Variants in TMC1 observed in about 807,000 individuals in gnomAD.
TMC1 encodes transmembrane channel like 1.
In TMC1, 84 loss-of-function variants were observed where a neutral mutation model predicts 105.8. The observed-to-expected ratio is 0.79, with a 90% CI of 0.67 to 0.95. The LOEUF is 0.95. TMC1 is among the 40% of genes least tolerant of loss of function. TMC1 has a pLI of 0.00. For missense variants in TMC1, 817 were observed against 914.1 expected (o/e 0.89, Z 1.37); for synonymous variants, 315 against 311.5 (o/e 1.01, Z -0.12).
chr9:72,791,276 C>T (rs1198295437), intron 15 of TMC1, among the ~76,000 whole-genome samples: 1 of 151,886 alleles, frequency 6.6e-6, no homozygotes, highest in Non-Finnish European at 1.5e-5. Context: ...AACTTTTCTA[C>T]GTTGGCTTCC....
At chr9:72,557,434 TATG>T (rs1823961703) in intron 1 of TMC1, among the ~76,000 whole-genome samples, 1 of 152,192 alleles carries the variant, frequency 6.6e-6, no homozygotes, top group Non-Finnish European at 1.5e-5. Flanking sequence ...TGGATGGGAT[TATG>T]ATAATTGTTT....
At position 72,820,416 on chromosome 9, in the gene TMC1, TAGA is replaced by T. The variant is rs537118417; in HGVS notation, c.1764-420_1764-418del. Among the ~76,000 whole-genome samples the T allele has an allele frequency of 8.5e-5, 13 of 152,336 alleles. No individual in the cohort carries two copies. In the East Asian group the frequency reaches 2.1e-3, roughly 25 times the overall value. ...AATGCAAATGTACAGTTTTTTTGAG[TAGA>T]AGAAGTGACTTTAAGGGTTAATTAT... On this transcript the variant is annotated intron_variant, in intron 19 of 23. Transcript: ENST00000297784.
At chr9:72,725,912 G>A (rs1194007461) in intron 8 of TMC1, among the ~76,000 whole-genome samples, 3 of 151,858 alleles carry the variant, frequency 2.0e-5, no homozygotes, top group Admixed American at 6.6e-5. Flanking sequence ...GGATGGTCTC[G>A]ATCTCCTGAC....
intron 1 of TMC1, among the ~76,000 whole-genome samples, chr9:72,570,265 G>GTGT (rs397946870): frequency 1.4e-5 from 2 of 146,436 alleles, no homozygotes; most frequent in Non-Finnish European, 3.0e-5. Flanking sequence ...GTGTGTGTGT[G>GTGT]GTAAATACTT....
At position 72,722,694 on chromosome 9, in the gene TMC1, T is replaced by C. The variant is rs148418868; in HGVS notation, c.363-17425T>C. Among the ~76,000 whole-genome samples, 58 of 152,326 alleles carry C rather than the reference T, an allele frequency of 3.8e-4. No individual in the cohort carries two copies. In the East Asian group the frequency reaches 0.011, roughly 28 times the overall value. On this transcript the variant is annotated intron_variant, in intron 8 of 23. Coordinates refer to ENST00000297784, the MANE Select transcript of TMC1 (RefSeq NM_138691.3). ...TGTGTGGGTGAAAATGTTAATGTCT[T>C]TTTTGTTGGACATTCATTTCCAAAG... is the stretch of plus-strand genomic sequence containing the variant.
At chr9:72,750,679 A>G (rs1158212053) in intron 10 of TMC1, among the ~76,000 whole-genome samples, 1 of 152,102 alleles carries the variant, frequency 6.6e-6, no homozygotes, top group Non-Finnish European at 1.5e-5. Flanking sequence ...TTTAAAAGTC[A>G]TGCTCATCAC....
chr9:72,535,935 C>T (rs1186217280), intron 1 of TMC1, among the ~76,000 whole-genome samples: 3 of 152,152 alleles, frequency 2.0e-5, no homozygotes, highest in African/African-American at 7.2e-5. Flanking sequence ...GATTCTCCCC[C>T]ATGACCAAAA....
intron 2 of TMC1, among the ~76,000 whole-genome samples, chr9:72,596,539 TAAAAAAAAAA>T (rs35140344): frequency 9.8e-6 from 1 of 102,274 alleles, no homozygotes; most frequent in South Asian, 3.7e-4. Context: ...GTTTCAATTG[TAAAAAAAAAA>T]AAAAAAAAAA....
Position 72,792,010 on chromosome 9 carries a change from T to A in TMC1, c.1349T>A (p.Leu450His). The A allele has an allele frequency of 4.3e-6, 7 of 1,614,160 alleles. No homozygotes were observed. Among genetic ancestry groups the A allele is most frequent in the Non-Finnish European group, 5.9e-6 (7 of 1,180,008 alleles). The change falls in exon 16 of 24, where the codon CTT (leucine) becomes CAT (histidine). Residue 450 changes from leucine to histidine, a missense_variant. Coordinates refer to ENST00000297784, the MANE Select transcript of TMC1 (RefSeq NM_138691.3). ...CTACTGGGACGCATTTTTGCTCTTC[T>A]TTTAGGCAATTTATACGTATTTATT... is the stretch of plus-strand genomic sequence containing the variant. ...KWLLGRIFAL[L>H]LGNLYVFILA...
intron 1 of TMC1, among the ~76,000 whole-genome samples, chr9:72,541,784 G>A (rs1363584308): frequency 6.6e-6 from 1 of 151,974 alleles, no homozygotes; most frequent in Non-Finnish European, 1.5e-5. Flanking sequence ...CCAGATCAAC[G>A]GCATTTTATG....
At chr9:72,606,286 G>A (rs952196161) in intron 2 of TMC1, among the ~76,000 whole-genome samples, 1 of 152,170 alleles carries the variant, frequency 6.6e-6, no homozygotes, top group Non-Finnish European at 1.5e-5. Flanking sequence ...CATAGCAGCT[G>A]GCTTCCCCAA....
intron 2 of TMC1, among the ~76,000 whole-genome samples, chr9:72,596,477 G>A (rs531464844): frequency 1.5e-4 from 22 of 143,710 alleles, no homozygotes; most frequent in African/African-American, 5.5e-4. Flanking sequence ...GGAATGGGAA[G>A]CATTTGATGA....
At chr9:72,722,459 G>T (rs371875686) in intron 8 of TMC1, among the ~76,000 whole-genome samples, 5 of 152,038 alleles carry the variant, frequency 3.3e-5, no homozygotes, top group South Asian at 2.1e-4. Flanking sequence ...CTCTGCCAAC[G>T]CCCATAGAAA....
chr9:72,792,321 G>A lies in TMC1; in HGVS notation c.1535G>A (p.Arg512Gln), dbSNP rs1482786407. 5.0e-6 allele frequency: 8 copies of A among 1,613,978 alleles called. No individual in the cohort carries two copies. Among genetic ancestry groups the A allele is most frequent in the Admixed American group, 3.3e-5 (2 of 59,986 alleles). The change falls in exon 17 of 24, where the codon CGA (arginine) becomes CAA (glutamine). Residue 512 changes from arginine (R) to glutamine (Q), a missense_variant. Physicochemically the swap from Arg to Gln is conservative, Grantham distance 43. Transcript: ENST00000297784. ...PFFVHPADVPRGPCWETMVGQ... is the reference protein window; with the variant it reads ...PFFVHPADVPQGPCWETMVGQ... ...TTTGTTCACCCTGCAGATGTACCTC[G>A]AGGACCTTGCTGGGAAACAATGGTG...
intron 1 of TMC1, among the ~76,000 whole-genome samples, chr9:72,525,561 C>T (rs1440719151): frequency 1.3e-5 from 2 of 152,134 alleles, no homozygotes; most frequent in Non-Finnish European, 2.9e-5. Context: ...TGACACTCAG[C>T]CAATCAAAGG....
intron 2 of TMC1, among the ~76,000 whole-genome samples, chr9:72,613,100 A>G (rs1257277428): frequency 3.3e-5 from 5 of 151,444 alleles, no homozygotes; most frequent in Admixed American, 1.3e-4. Context: ...TTTCATAAAA[A>G]GTGGTGTAAG....
At chr9:72,649,345 G>A (rs1825764500) in intron 5 of TMC1, among the ~76,000 whole-genome samples, 1 of 152,066 alleles carries the variant, frequency 6.6e-6, no homozygotes, top group Non-Finnish European at 1.5e-5. Context: ...AAGACAAACT[G>A]GCAGAATTTT....
chr9:72,713,436 G>A (rs1401601289), intron 8 of TMC1, among the ~76,000 whole-genome samples: 4 of 152,128 alleles, frequency 2.6e-5, no homozygotes, highest in African/African-American at 9.7e-5. Context: ...ATTAATTGCT[G>A]CCTCAATTTC....
rs1826329019 is a variant in TMC1, at chr9:72,683,733, T to TTATGTATA, written c.17-4973_17-4972insGTATATAT. 1.3e-4 allele frequency among the ~76,000 whole-genome samples: 7 copies of TTATGTATA among 53,396 alleles called. No homozygotes were observed. The South Asian group carries it at 5.4e-3, about 41-fold the overall frequency. The allele number at this position is 53,396 out of a possible 152,430, so 35.0% of individuals were successfully genotyped here. On this transcript the variant is annotated intron_variant, in intron 5 of 23. Transcript: ENST00000297784. ...TCTGAGTTAACCTGAGTTACACATT[T>TTATGTATA]TATATATATATATATATATATATAT... is the stretch of plus-strand genomic sequence containing the variant.
Sources: allele counts gnomAD v4.1 joint callset (sites outside exome capture counted in the v4.1 genomes callset), GRCh38; gene constraint gnomAD v4.1.1; transcripts MANE v1.5; gene names NCBI Gene and HGNC (gene_info 2026-07-23, HGNC 2026-07-21).